The following SASH1 variants were observed in gnomAD, a reference collection of about 807,000 sequenced individuals.
SASH1 encodes SAM and SH3 domain containing 1.
Under a neutral mutation model 125.2 loss-of-function variants are expected in SASH1, and 44 were observed. The observed-to-expected ratio is 0.35, with a 90% CI of 0.28 to 0.45. The LOEUF is 0.45. Among genes scored for constraint, SASH1 ranks in the 20% least tolerant of loss-of-function variants. The pLI is 1.00. For missense variants in SASH1, 1,426 were observed against 1,614.5 expected (o/e 0.88, Z 2.00); for synonymous variants, 639 against 649.1 (o/e 0.98, Z 0.24).
chr6:148,356,448 C>T (rs185073396), intron 1 of SASH1, among the ~76,000 whole-genome samples: 1 of 150,444 alleles, frequency 6.6e-6, no homozygotes, highest in Non-Finnish European at 1.5e-5. Flanking sequence ...GGTAGATACC[C>T]CCAGGAGTGG....
chr6:148,538,465 C>T (rs1424837065), intron 16 of SASH1, among the ~76,000 whole-genome samples: 2 of 152,236 alleles, frequency 1.3e-5, no homozygotes, highest in Non-Finnish European at 2.9e-5. Flanking sequence ...CAGGCTCTTC[C>T]ACACAGTGAG....
At chr6:148,542,338 A>G (rs891759012) in intron 17 of SASH1, among the ~76,000 whole-genome samples, 1 of 152,126 alleles carries the variant, frequency 6.6e-6, no homozygotes, top group Non-Finnish European at 1.5e-5. Flanking sequence ...TTAAAATCTG[A>G]TGCAATTTTT....
At chr6:148,296,822 T>C (rs1488706234) in intron 1 of SASH1, among the ~76,000 whole-genome samples, 6 of 152,208 alleles carry the variant, frequency 3.9e-5, no homozygotes, top group Admixed American at 3.9e-4. Context: ...GCATGGAGGA[T>C]ACCCAAGTCT....
At chr6:148,297,414 C>T (rs768147928) in intron 1 of SASH1, among the ~76,000 whole-genome samples, 53 of 152,062 alleles carry the variant, frequency 3.5e-4, no homozygotes, top group Non-Finnish European at 5.6e-4. Context: ...AACAATGATA[C>T]TAACTTTGAA....
Position 148,532,764 on chromosome 6 carries a change from T to C in SASH1, c.1565-33T>C, listed in dbSNP as rs1781596761. Reference sequence around the variant, plus strand: ...TGCTTTGCTGGGTGGGAAATCTGGATCTACCCGTGTTCTTCCTATGTTTCC... The same window carrying C: ...TGCTTTGCTGGGTGGGAAATCTGGACCTACCCGTGTTCTTCCTATGTTTCC... On this transcript the variant is annotated intron_variant, in intron 13 of 19. Coordinates refer to ENST00000367467, the MANE Select transcript of SASH1 (RefSeq NM_015278.5). The surrounding 1 kb of genome is among the most constrained non-coding windows in gnomAD (Gnocchi z 4.7). 1 of 1,610,746 alleles carries C rather than the reference T, an allele frequency of 6.2e-7. No individual in the cohort carries two copies. The highest frequency in any genetic ancestry group is 8.5e-7 in the Non-Finnish European group (1 of 1,177,730).
the SASH1 span, among the ~76,000 whole-genome samples, chr6:148,257,713 C>A: frequency 1.3e-5 from 2 of 148,852 alleles, no homozygotes; most frequent in Non-Finnish European, 3.0e-5. Flanking sequence ...TCACTGCAAA[C>A]TCCGCCTCCT....
intron 2 of SASH1, among the ~76,000 whole-genome samples, chr6:148,395,547 A>G (rs1783917028): frequency 6.6e-6 from 1 of 152,198 alleles, no homozygotes; most frequent in African/African-American, 2.4e-5. Flanking sequence ...TAAAAATTCA[A>G]CAATATAAAC....
In SASH1 at chr6:148,329,348, A is replaced by T. The variant is rs995946775; in HGVS notation, n.74+56971A>T. 2.6e-5 allele frequency among the ~76,000 whole-genome samples: 4 copies of T among 152,154 alleles called. 1 individual carries two copies. The highest frequency in any genetic ancestry group is 4.2e-4 in the South Asian group (2 of 4,816). ...TATTAATATGTCTTTTAGATTTCAA[A>T]CCTCATTCAGGCCAGCACTAGCCAT... On this transcript the variant is annotated intron_variant and non_coding_transcript_variant, in intron 1 of 3. Transcript: ENST00000367469.
At chr6:148,211,827 G>A in the SASH1 span, among the ~76,000 whole-genome samples, 3 of 152,126 alleles carry the variant, frequency 2.0e-5, no homozygotes, top group Non-Finnish European at 4.4e-5. Flanking sequence ...GCTCCCTGTC[G>A]TGACTGCCAC....
intron 2 of SASH1, among the ~76,000 whole-genome samples, chr6:148,422,296 C>T (rs898651962): frequency 6.6e-6 from 1 of 152,230 alleles, no homozygotes; most frequent in East Asian, 1.9e-4. Context: ...TCTGGATAAA[C>T]AGTACTCCAC....
chr6:148,220,891 GC>G, the SASH1 span, among the ~76,000 whole-genome samples: 1 of 152,216 alleles, frequency 6.6e-6, no homozygotes, highest in South Asian at 2.1e-4. Context: ...TCCAGTCTGG[GC>G]AACAGAGTGA....
chr6:148,514,108 G>T, intron 8 of SASH1: 1 of 1,297,970 alleles, frequency 7.7e-7, no homozygotes, highest in Admixed American at 3.9e-5. Flanking sequence ...GGGCAAGGAT[G>T]TGTGTTTCCG....
At chr6:148,347,380 C>T (rs2114649293) in intron 1 of SASH1, among the ~76,000 whole-genome samples, 1 of 152,314 alleles carries the variant, frequency 6.6e-6, no homozygotes, top group East Asian at 1.9e-4. Flanking sequence ...TAGAGATACT[C>T]CGAACCTTCC....
At chr6:148,194,711 T>G in the SASH1 span, among the ~76,000 whole-genome samples, 1 of 152,264 alleles carries the variant, frequency 6.6e-6, no homozygotes, top group South Asian at 2.1e-4. Flanking sequence ...ATCGAGACCA[T>G]CCTGGTTAAC....
At chr6:148,308,370 A>G (rs558692847) in intron 1 of SASH1, among the ~76,000 whole-genome samples, 49 of 151,130 alleles carry the variant, frequency 3.2e-4, no homozygotes, top group Non-Finnish European at 6.2e-4. Flanking sequence ...CAGGTATCAT[A>G]TCAGTTGTTC....
At chr6:148,447,804 G>A (rs1776873141) in intron 4 of SASH1, among the ~76,000 whole-genome samples, 2 of 151,326 alleles carry the variant, frequency 1.3e-5, no homozygotes. Context: ...GGCCACCTTA[G>A]CCCTTGCTAT....
At chr6:148,220,451 T>A in the SASH1 span, among the ~76,000 whole-genome samples, 10 of 152,204 alleles carry the variant, frequency 6.6e-5, no homozygotes, top group Admixed American at 2.6e-4. Flanking sequence ...TACCTCTTAA[T>A]ACCACCACAA....
intron 1 of SASH1, among the ~76,000 whole-genome samples, chr6:148,337,415 G>A (rs911572293): frequency 1.3e-5 from 2 of 152,014 alleles, no homozygotes; most frequent in African/African-American, 4.8e-5. Flanking sequence ...TAGTAGAGAT[G>A]GGGTTTCACC....
chr6:148,432,973 A>G (rs1415471389), intron 2 of SASH1, among the ~76,000 whole-genome samples: 1 of 152,204 alleles, frequency 6.6e-6, no homozygotes, highest in Non-Finnish European at 1.5e-5. Flanking sequence ...GTGTGTGTAT[A>G]CATACACAAG....
Sources: gnomAD v4.1 joint callset for allele counts (sites outside exome capture counted in the v4.1 genomes callset) on GRCh38, gnomAD v4.1.1 for gene constraint, Gnocchi (gnomAD v3.1) non-coding constraint, MANE v1.5 for transcripts, NCBI Gene and HGNC (gene_info 2026-07-23, HGNC 2026-07-21) for gene names.